Variants in RIMS2 observed in about 807,000 individuals in gnomAD.
RIMS2 encodes the protein regulating synaptic membrane exocytosis protein 2.
RIMS2 carries 59 observed loss-of-function variants against 174.4 expected under a neutral mutation model. The observed-to-expected ratio is 0.34, with a 90% CI of 0.27 to 0.42. The LOEUF is 0.42. Ranked by LOEUF, RIMS2 falls within the 10% of genes least tolerant of loss-of-function variation. The pLI is 1.00. For synonymous variants in RIMS2, 606 were observed against 572.5 expected, an observed-to-expected ratio of 1.06 and a Z score of -0.84; for missense variants, 1,620 against 1,666.3, an observed-to-expected ratio of 0.97 and a Z score of 0.48.
chr8:104,181,385 G>A (rs2135945472), intron 19 of RIMS2, among the ~76,000 whole-genome samples: 1 of 151,606 alleles, frequency 6.6e-6, no homozygotes, highest in Non-Finnish European at 1.5e-5. Context: ...GATCATTGTA[G>A]GGGCATAGAG....
chr8:103,935,462 C>T (rs2154534930), intron 12 of RIMS2, among the ~76,000 whole-genome samples: 1 of 152,264 alleles, frequency 6.6e-6, no homozygotes, highest in East Asian at 1.9e-4. Context: ...CTTAAAATTC[C>T]AATGAGAAGA....
intron 1 of RIMS2, among the ~76,000 whole-genome samples, chr8:103,696,824 C>T (rs969039603): frequency 8.5e-5 from 11 of 129,666 alleles, no homozygotes; most frequent in African/African-American, 3.0e-4. Context: ...GATCGCGTCA[C>T]TGCACTTTAG....
At chr8:104,097,281 A>C (rs1285712191) in intron 19 of RIMS2, among the ~76,000 whole-genome samples, 1 of 152,150 alleles carries the variant, frequency 6.6e-6, no homozygotes, top group Non-Finnish European at 1.5e-5. Context: ...TAGACACCTT[A>C]TACACATAGC....
intron 19 of RIMS2, among the ~76,000 whole-genome samples, chr8:104,022,214 T>A (rs2096117634): frequency 6.6e-6 from 1 of 152,136 alleles, no homozygotes. Flanking sequence ...TAATCCTAAC[T>A]TTATGGCCTT....
At chr8:104,216,937 G>A (rs2099132481) in intron 19 of RIMS2, among the ~76,000 whole-genome samples, 1 of 152,136 alleles carries the variant, frequency 6.6e-6, no homozygotes, top group African/African-American at 2.4e-5. Context: ...CTTATATAGT[G>A]TTTATGAAAA....
intron 1 of RIMS2, among the ~76,000 whole-genome samples, chr8:103,574,551 T>G (rs6985202): frequency 0.18 from 27,694 of 152,176 alleles, 2,766 homozygotes; most frequent in African/African-American, 0.26. Context: ...AGAATGTCAT[T>G]CTCTGTCTAT....
intron 6 of RIMS2, among the ~76,000 whole-genome samples, chr8:103,912,970 G>GTTTTTTTT (rs1272975359): frequency 1.3e-4 from 15 of 114,876 alleles, no homozygotes; most frequent in Middle Eastern, 4.9e-3. Context: ...TTTTTTTGTT[G>GTTTTTTTT]TTTTTTTTTT....
intron 1 of RIMS2, among the ~76,000 whole-genome samples, chr8:103,608,687 C>A (rs927450566): frequency 6.6e-6 from 1 of 152,006 alleles, no homozygotes; most frequent in Non-Finnish European, 1.5e-5. Flanking sequence ...AGGATATAAT[C>A]TCATGGTGCG....
chr8:103,825,174 C>T (rs1460429159), intron 3 of RIMS2, among the ~76,000 whole-genome samples: 1 of 152,122 alleles, frequency 6.6e-6, no homozygotes, highest in East Asian at 1.9e-4. Context: ...TGCTTCCCCA[C>T]CTAGTGTAGA....
At chr8:103,775,654 T>C (rs2098307230) in intron 3 of RIMS2, among the ~76,000 whole-genome samples, 1 of 152,142 alleles carries the variant, frequency 6.6e-6, no homozygotes, top group East Asian at 1.9e-4. Flanking sequence ...TATCTTTTAT[T>C]GAAAGGATGA....
chr8:103,872,639 A>G (rs2099118067), intron 3 of RIMS2, among the ~76,000 whole-genome samples: 1 of 152,234 alleles, frequency 6.6e-6, no homozygotes, highest in Non-Finnish European at 1.5e-5. Context: ...CTCAAGATTA[A>G]AAGAGGGCTA....
At chr8:103,547,946 C>T (rs969976602) in intron 1 of RIMS2, among the ~76,000 whole-genome samples, 3 of 151,978 alleles carry the variant, frequency 2.0e-5, no homozygotes, top group African/African-American at 7.3e-5. Flanking sequence ...ATACCACCTG[C>T]CAAGATTGAA....
intron 1 of RIMS2, among the ~76,000 whole-genome samples, chr8:103,602,409 A>T (rs2094802237): frequency 6.6e-6 from 1 of 151,970 alleles, no homozygotes. Context: ...CTAGGTAATA[A>T]GCATAGTACT....
chr8:104,098,108 A>G (rs1263342395), intron 19 of RIMS2, among the ~76,000 whole-genome samples: 1 of 152,208 alleles, frequency 6.6e-6, no homozygotes, highest in East Asian at 1.9e-4. Context: ...TAGTAAGTCT[A>G]CTGAATGTAA....
intron 1 of RIMS2, among the ~76,000 whole-genome samples, chr8:103,651,007 G>T (rs78756327): frequency 2.0e-5 from 3 of 152,180 alleles, no homozygotes; most frequent in Non-Finnish European, 2.9e-5. Context: ...TGCAGATTCC[G>T]GGGCCAAAGT....
chr8:103,554,255 C>T (rs1849411429), intron 1 of RIMS2, among the ~76,000 whole-genome samples: 1 of 152,086 alleles, frequency 6.6e-6, no homozygotes, highest in Admixed American at 6.6e-5. Context: ...AAATAGACAA[C>T]CTACAGAATG....
intron 19 of RIMS2, among the ~76,000 whole-genome samples, chr8:104,077,626 C>A (rs1598345705): frequency 6.9e-6 from 1 of 145,732 alleles, no homozygotes; most frequent in African/African-American, 2.5e-5. Context: ...TGTATTTCCA[C>A]ATAATTTATA....
chr8:103,903,760 G>A (rs1476231115), intron 4 of RIMS2, among the ~76,000 whole-genome samples: 2 of 152,102 alleles, frequency 1.3e-5, no homozygotes, highest in African/African-American at 4.8e-5. Context: ...GTGCTGACAA[G>A]TGATACTCTA....
chr8:103,863,225 T>C (rs1329287089), intron 3 of RIMS2, among the ~76,000 whole-genome samples: 8 of 152,190 alleles, frequency 5.3e-5, no homozygotes, highest in Non-Finnish European at 8.8e-5. Context: ...GAGATAATCA[T>C]ATGCTTTTTG....
Sources: allele counts gnomAD v4.1 joint callset (sites outside exome capture counted in the v4.1 genomes callset), GRCh38; gene constraint gnomAD v4.1.1; transcripts MANE v1.5; gene names NCBI Gene and HGNC (gene_info 2026-07-23, HGNC 2026-07-21).